DICER1: variants seen among roughly 807,000 people sequenced by gnomAD.
DICER1 encodes endoribonuclease Dicer.
Under a neutral mutation model 194.1 loss-of-function variants are expected in DICER1, and 43 were observed. The observed-to-expected ratio is 0.22, with a 90% CI of 0.17 to 0.29. The LOEUF (loss-of-function observed/expected upper bound fraction) is 0.29, where lower values mean the gene tolerates loss of function less well. Ranked by LOEUF, DICER1 falls within the 10% of genes least tolerant of loss-of-function variation. The pLI, the probability that DICER1 is intolerant of heterozygous loss-of-function variation, is 1.00. For synonymous variants in DICER1, 832 were observed against 820.5 expected (o/e 1.01, Z -0.24); for missense variants, 1,608 against 2,317.0 (o/e 0.69, Z 6.28).
Position 95,089,917 on chromosome 14 carries a change from T to TA in DICER1, c.*580dup, listed in dbSNP as rs1429071592. ...CACCAACATGCCAGCCAATGTTCAT[T>TA]AAAAATCTGTCCCTTACTATCAGGT... On this transcript the variant is annotated 3_prime_UTR_variant, in exon 27 of 27. Transcript: ENST00000343455. The TA allele has an allele frequency of 4.3e-6, 1 of 233,296 alleles. No homozygotes were observed. The highest frequency in any genetic ancestry group is 8.5e-6 in the Non-Finnish European group (1 of 118,038). 14.5% of individuals were successfully genotyped at this position (233,296 alleles called of 1,614,324 possible).
At position 95,111,380 on chromosome 14, in the gene DICER1, TTCA is replaced by T. The variant is rs1891944385; in HGVS notation, c.2190_2192del (p.Asp730del). 6.2e-7 allele frequency: 1 copy of T among 1,614,180 alleles called. No individual in the cohort carries two copies. Among genetic ancestry groups the T allele is most frequent in the Middle Eastern group, 1.6e-4 (1 of 6,062 alleles). Reference sequence around the variant, plus strand: ...GTCTTCCTGGAACACTGGTCTCTTCTTCATCATGCAAATCAAGCTCCTCTTCAT... The same window carrying T: ...GTCTTCCTGGAACACTGGTCTCTTCTTCATGCAAATCAAGCTCCTCTTCAT... On this transcript the variant is annotated inframe_deletion, in exon 14 of 27. Transcript: ENST00000343455.
intron 13 of DICER1, 25 bp from the exon 14 acceptor site, chr14:95,111,481 A>T: frequency 2.5e-6 from 4 of 1,613,288 alleles, no homozygotes; most frequent in Non-Finnish European, 2.5e-6. Context: ...GAGAGAATTA[A>T]CACAATCCAG....
chr14:95,129,174 A>G lies in DICER1; in HGVS notation c.734+298T>C, dbSNP rs903378002. ...CAACAAAGCACACATATTGACAGAA[A>G]AAAAATACAAATTTACTGTCAAAGT... On this transcript the variant is annotated intron_variant, in intron 6 of 26. Transcript: ENST00000343455. The G allele has an allele frequency of 2.1e-4, 70 of 338,308 alleles. 1 individual carries two copies. The highest frequency in any genetic ancestry group is 8.8e-4 in the Middle Eastern group (1 of 1,136). The allele number at this position is 338,308 out of a possible 1,614,324, so 21.0% of individuals were successfully genotyped here.
chr14:95,152,273 A>G lies in DICER1; in HGVS notation c.-46+4957T>C, dbSNP rs545149474. On this transcript the variant is annotated intron_variant, in intron 1 of 26. Transcript: ENST00000343455. ...CTCAGTCTGCAATGTTTCTGTGCAC[A>G]TAATCATACGTACCTCACAAAGCAA... Among the ~76,000 whole-genome samples the G allele has an allele frequency of 3.0e-4, 45 of 152,370 alleles. No individual in the cohort carries two copies. The South Asian group carries it at 9.1e-3, about 31-fold the overall frequency.
intron 14 of DICER1, among the ~76,000 whole-genome samples, chr14:95,110,606 T>C (rs749931750): frequency 5.3e-5 from 8 of 152,194 alleles, no homozygotes; most frequent in Non-Finnish European, 1.2e-4. Flanking sequence ...ACTGTGGGTC[T>C]TGGAACATAC....
rs769292296 is a variant in DICER1 at position 95,108,034 on chromosome 14, C to G, written c.2496G>C (p.Lys832Asn). ...SGEVTISIEL[K>N]KSGFMLSLQM... ...GTAGAGACAACATGAAACCAGACTT[C>G]TTCAACTCAATGGATATGGTAACCT... The change falls in exon 16 of 27, where the codon AAG (lysine) becomes AAC (asparagine). Residue 832 changes from lysine to asparagine, a missense_variant. By Grantham distance (94) the Lys-to-Asn change is moderately conservative. Coordinates refer to ENST00000343455, the MANE Select transcript of DICER1 (RefSeq NM_177438.3). 3 of 1,613,940 alleles carry G rather than the reference C, an allele frequency of 1.9e-6. No individual in the cohort carries two copies. The highest frequency in any genetic ancestry group is 2.5e-6 in the Non-Finnish European group (3 of 1,179,838).
At position 95,112,193 on chromosome 14, in the gene DICER1, A is replaced by C. The variant is rs1168346305; in HGVS notation, c.2095T>G (p.Cys699Gly). The C allele has an allele frequency of 6.2e-7, 1 of 1,614,026 alleles. No individual in the cohort carries two copies. The highest frequency in any genetic ancestry group is 8.5e-7 in the Non-Finnish European group (1 of 1,179,936). Residue 699 changes from cysteine to glycine, a missense_variant, in exon 13 of 27, where the codon TGT (cysteine) becomes GGT (glycine). Coordinates refer to ENST00000343455, the MANE Select transcript of DICER1 (RefSeq NM_177438.3). ...LAERVVALIC[C>G]EKLHKIGELD... is the part of the protein sequence containing the mutation. Reference sequence around the variant, plus strand: ...TTACCAATTTTGTGCAGTTTCTCACAGCAAATGAGAGCTACAACTCTTTCA... The same window carrying C: ...TTACCAATTTTGTGCAGTTTCTCACCGCAAATGAGAGCTACAACTCTTTCA...
At chr14:95,091,390 G>T in intron 24 of DICER1, 25 bp from the exon 25 acceptor site, 1 of 1,613,348 alleles carries the variant, frequency 6.2e-7, no homozygotes, top group Non-Finnish European at 8.5e-7. Flanking sequence ...AAAGTGACTT[G>T]TAAGCAAAAA....
chr14:95,124,096 A>G lies in DICER1; in HGVS notation c.1376+100T>C. On this transcript the variant is annotated intron_variant, in intron 8 of 26. Transcript: ENST00000343455. This position sits in a 1 kb window ranked among gnomAD's most constrained non-coding sequence, Gnocchi z 4.5. ...ATGGCGCCAAGTCAAGGACACTTAC[A>G]TAACCCTCATGCTAGCTCTTACAGC... is the stretch of plus-strand genomic sequence containing the variant. 3.5e-6 allele frequency: 3 copies of G among 858,244 alleles called. No homozygotes were observed. The highest frequency in any genetic ancestry group is 2.8e-5 in the South Asian group (2 of 71,264). The allele number at this position is 858,244 out of a possible 1,614,324, so 53.2% of individuals were successfully genotyped here.
At chr14:95,090,797 G>A (rs1201246245) in intron 26 of DICER1, 134 bp from the exon 27 acceptor site, 77 of 1,144,352 alleles carry the variant, frequency 6.7e-5, no homozygotes, top group Non-Finnish European at 9.1e-5. Flanking sequence ...CACGCGTTAC[G>A]ACTTACTGCA....
At chr14:95,108,697 G>A (rs1566778492) in intron 14 of DICER1, among the ~76,000 whole-genome samples, 194 bp from the exon 15 acceptor site, 1 of 152,234 alleles carries the variant, frequency 6.6e-6, no homozygotes, top group Non-Finnish European at 1.5e-5. Flanking sequence ...CAGGGCTGCT[G>A]ACGGTGGCCC....
chr14:95,130,394 G>A (rs539657952), intron 4 of DICER1, among the ~76,000 whole-genome samples: 1 of 152,266 alleles, frequency 6.6e-6, no homozygotes, highest in East Asian at 1.9e-4. Flanking sequence ...AAAGAGTAGA[G>A]AAAAAATATC....
Position 95,151,786 on chromosome 14 carries a change from CTG to C in DICER1, c.-46+5442_-46+5443del, listed in dbSNP as rs201042404. 8.7e-3 allele frequency among the ~76,000 whole-genome samples: 1,322 copies of C among 152,326 alleles called. 37 individuals are homozygous for C. Among genetic ancestry groups the C allele is most frequent in the Middle Eastern group, 0.02 (6 of 294 alleles). On this transcript the variant is annotated intron_variant, in intron 1 of 26. Transcript: ENST00000343455. ...GCAGGATGCATAAGAGGCGGACAGGCTGTGAGTTCATCATGTTAATCTCACCT... is the reference window on the plus strand; with the variant it reads ...GCAGGATGCATAAGAGGCGGACAGGCTGAGTTCATCATGTTAATCTCACCT...
chr14:95,099,237 G>A (rs953023358), intron 22 of DICER1, among the ~76,000 whole-genome samples: 1 of 152,002 alleles, frequency 6.6e-6, no homozygotes, highest in Admixed American at 6.5e-5. Flanking sequence ...GCTGATATTT[G>A]GAGTCTTCTT....
At chr14:95,134,561 A>G (rs1258588788) in intron 1 of DICER1, 1 of 152,276 alleles carries the variant, frequency 6.6e-6, no homozygotes, top group African/African-American at 2.4e-5. Flanking sequence ...ATCTCCTGAC[A>G]TGTTAAGTAC....
At position 95,130,938 on chromosome 14, in the gene DICER1, T is replaced by A. The variant is rs538959354; in HGVS notation, c.438+571A>T. ...GCATTATCAGCAAGTTGGAAATAGG[T>A]CATAGGAATTTGTGTTTTTCAAGCA... is the stretch of plus-strand genomic sequence containing the variant. On this transcript the variant is annotated intron_variant, in intron 4 of 26. Coordinates refer to ENST00000343455, the MANE Select transcript of DICER1 (RefSeq NM_177438.3). Among the ~76,000 whole-genome samples the A allele has an allele frequency of 6.6e-5, 10 of 152,362 alleles. No homozygotes were observed. In the South Asian group the frequency reaches 2.1e-3, roughly 32 times the overall value.
chr14:95,119,405 G>A (rs1892752096), intron 8 of DICER1, among the ~76,000 whole-genome samples: 1 of 152,150 alleles, frequency 6.6e-6, no homozygotes. Context: ...AATGCTTAGA[G>A]AGAAAAATGT....
At chr14:95,108,574 AAC>A (rs1891672850) in intron 14 of DICER1, 71 bp from the exon 15 acceptor site, 22 of 1,381,014 alleles carry the variant, frequency 1.6e-5, no homozygotes, top group Non-Finnish European at 2.3e-5. Flanking sequence ...TCAGCAAGAA[AAC>A]AAATTAATTC....
At chr14:95,120,666 G>A (rs892064161) in intron 8 of DICER1, among the ~76,000 whole-genome samples, 5 of 152,302 alleles carry the variant, frequency 3.3e-5, no homozygotes, top group African/African-American at 4.8e-5. Flanking sequence ...AGTGGCCACC[G>A]CTGCAACAAT....
Sources: allele counts gnomAD v4.1 joint callset (sites outside exome capture counted in the v4.1 genomes callset), GRCh38; gene constraint gnomAD v4.1.1; non-coding constraint Gnocchi (gnomAD v3.1); transcripts MANE v1.5; gene names NCBI Gene and HGNC (gene_info 2026-07-23, HGNC 2026-07-21).